Variants in CA10 observed in about 807,000 individuals in gnomAD.
CA10 encodes carbonic anhydrase-related protein 10.
Under a neutral mutation model 44.2 loss-of-function variants are expected in CA10, and 14 were observed. The ratio of observed to expected loss-of-function variants is 0.32; its 90% CI spans 0.21 to 0.50. The LOEUF is 0.50. Among genes scored for constraint, CA10 ranks in the 20% least tolerant of loss-of-function variants. CA10 has a pLI of 0.99. For missense variants in CA10, 350 were observed against 409.7 expected, an observed-to-expected ratio of 0.85 and a Z score of 1.26; for synonymous variants, 159 against 141.6, an observed-to-expected ratio of 1.12 and a Z score of -0.87.
intron 3 of CA10, among the ~76,000 whole-genome samples, chr17:51,869,158 G>T (rs1979693046): frequency 6.6e-6 from 1 of 151,744 alleles, no homozygotes; most frequent in Non-Finnish European, 1.5e-5. Flanking sequence ...ACAAATTAAG[G>T]GTACACATAC....
At chr17:51,723,798 T>C (rs371892842) in intron 4 of CA10, among the ~76,000 whole-genome samples, 2 of 152,212 alleles carry the variant, frequency 1.3e-5, no homozygotes, top group African/African-American at 2.4e-5. Context: ...GAAGCTGTTT[T>C]TCCCCTCTGC....
intron 2 of CA10, among the ~76,000 whole-genome samples, chr17:52,060,558 C>T (rs926962323): frequency 5.3e-5 from 8 of 152,098 alleles, no homozygotes; most frequent in Non-Finnish European, 1.0e-4. Flanking sequence ...CTAAAGTCAT[C>T]CCAAAATAAA....
intron 3 of CA10, among the ~76,000 whole-genome samples, chr17:51,849,946 G>C (rs1000810974): frequency 6.6e-6 from 1 of 152,282 alleles, no homozygotes; most frequent in East Asian, 1.9e-4. Context: ...AGAAGGATTG[G>C]CTTCTTCAGG....
intron 3 of CA10, among the ~76,000 whole-genome samples, chr17:51,860,933 G>C (rs186995478): frequency 6.6e-6 from 1 of 152,064 alleles, no homozygotes; most frequent in South Asian, 2.1e-4. Flanking sequence ...ACAACCTGTG[G>C]GCTGTATTGC....
intron 3 of CA10, among the ~76,000 whole-genome samples, chr17:51,878,339 C>T (rs950246711): frequency 3.3e-5 from 5 of 151,944 alleles, no homozygotes; most frequent in Admixed American, 6.6e-5. Flanking sequence ...AGTTCAGAAG[C>T]CCCTGCATTA....
At chr17:51,706,264 T>C (rs1475453767) in intron 4 of CA10, among the ~76,000 whole-genome samples, 2 of 152,246 alleles carry the variant, frequency 1.3e-5, no homozygotes, top group East Asian at 3.8e-4. Context: ...TACTTTGTCA[T>C]AATTCTCTGC....
intron 2 of CA10, among the ~76,000 whole-genome samples, chr17:52,022,576 C>T (rs1416828866): frequency 6.6e-6 from 1 of 152,074 alleles, no homozygotes. Context: ...ATTCTAACCA[C>T]TCCTATTCTA....
intron 2 of CA10, among the ~76,000 whole-genome samples, chr17:52,069,831 A>G (rs1008034026): frequency 2.0e-5 from 3 of 152,178 alleles, no homozygotes; most frequent in Admixed American, 2.0e-4. Context: ...CCAACTGACT[A>G]TTATTTCTAG....
chr17:51,835,708 C>A (rs1360433227), intron 3 of CA10, among the ~76,000 whole-genome samples: 1 of 152,230 alleles, frequency 6.6e-6, no homozygotes, highest in Non-Finnish European at 1.5e-5. Flanking sequence ...TGTCTGCCTC[C>A]AGGCAGTGCT....
chr17:51,849,433 A>G (rs1166019406), intron 3 of CA10, among the ~76,000 whole-genome samples: 1 of 151,724 alleles, frequency 6.6e-6, no homozygotes, highest in Non-Finnish European at 1.5e-5. Flanking sequence ...AGGTTACACT[A>G]TGCCCACCTA....
intron 3 of CA10, among the ~76,000 whole-genome samples, chr17:51,894,170 G>A (rs968136632): frequency 6.6e-6 from 1 of 152,020 alleles, no homozygotes; most frequent in African/African-American, 2.4e-5. Flanking sequence ...AACACAAAAT[G>A]GAAGAAAGAA....
At chr17:51,664,921 G>C (rs765484311) in intron 4 of CA10, among the ~76,000 whole-genome samples, 18 of 152,200 alleles carry the variant, frequency 1.2e-4, no homozygotes, top group Non-Finnish European at 2.4e-4. Context: ...ACACCAAGGG[G>C]TTGACGGAGA....
chr17:51,913,709 G>A (rs1981878687), intron 3 of CA10, among the ~76,000 whole-genome samples: 1 of 152,060 alleles, frequency 6.6e-6, no homozygotes. Context: ...TGTCTCCCAG[G>A]ACTGTGCAGA....
At chr17:51,888,962 G>C (rs901961433) in intron 3 of CA10, among the ~76,000 whole-genome samples, 1 of 152,194 alleles carries the variant, frequency 6.6e-6, no homozygotes, top group African/African-American at 2.4e-5. Context: ...TGGGATGGCT[G>C]TCTAAGATGG....
chr17:51,966,400 A>G (rs1984082846), intron 2 of CA10, among the ~76,000 whole-genome samples: 1 of 151,992 alleles, frequency 6.6e-6, no homozygotes, highest in South Asian at 2.1e-4. Flanking sequence ...CAAGTAGCCA[A>G]AGCAATTCTA....
At chr17:51,728,536 G>T (rs1454452209) in intron 4 of CA10, among the ~76,000 whole-genome samples, 2 of 152,138 alleles carry the variant, frequency 1.3e-5, no homozygotes, top group Non-Finnish European at 2.9e-5. Flanking sequence ...TTTGTAGAAT[G>T]TCCCTCAGTT....
At chr17:51,967,845 A>T (rs952935426) in intron 2 of CA10, among the ~76,000 whole-genome samples, 3 of 150,948 alleles carry the variant, frequency 2.0e-5, no homozygotes, top group South Asian at 2.1e-4. Flanking sequence ...TTGAAATTAT[A>T]AAAAAAAAGA....
Position 52,074,998 on chromosome 17 carries a change from T to C in CA10, c.62-2605A>G, listed in dbSNP as rs184172155. 3.3e-4 allele frequency among the ~76,000 whole-genome samples: 51 copies of C among 152,240 alleles called. 1 individual carries two copies. Among genetic ancestry groups the C allele is most frequent in the Admixed American group, 1.2e-3 (18 of 15,304 alleles). On this transcript the variant is annotated intron_variant, in intron 1 of 8. Transcript: ENST00000451037. ...ATATTTATTTACATAGTCTCTAGAG[T>C]TGCTTTCTCACTACAATGGCAGAGT...
chr17:51,758,057 C>A (rs1905123856), intron 3 of CA10, among the ~76,000 whole-genome samples: 1 of 152,106 alleles, frequency 6.6e-6, no homozygotes. Context: ...ATCTCACCCA[C>A]TACTCTTAAC....
Sources: gnomAD v4.1 joint callset for allele counts (sites outside exome capture counted in the v4.1 genomes callset) on GRCh38, gnomAD v4.1.1 for gene constraint, MANE v1.5 for transcripts, NCBI Gene and HGNC (gene_info 2026-07-23, HGNC 2026-07-21) for gene names.